The following DMD variants were observed in gnomAD, a reference collection of about 807,000 sequenced individuals.
The protein encoded by DMD is mutant dystrophin.
In DMD, 63 loss-of-function variants were observed where a neutral mutation model predicts 330.1. That is an observed-to-expected ratio of 0.19 (90% CI 0.16 to 0.24). The LOEUF (loss-of-function observed/expected upper bound fraction) is 0.24. Ranked by LOEUF, DMD falls within the 10% of genes least tolerant of loss-of-function variation. The pLI is 1.00. For missense variants in DMD, 3,344 were observed against 2,684.1 expected, an observed-to-expected ratio of 1.25 and a Z score of -5.43; for synonymous variants, 1,223 against 959.8, an observed-to-expected ratio of 1.27 and a Z score of -5.07.
rs1314684621 is a variant in DMD at position 32,781,388 on chromosome X, A to G, written c.649+28105T>C. ...AAAGTGAAACATGAGAAGGACTCAT[A>G]CTGTTGTTTACTCTGTTAATATTGT... On this transcript the variant is annotated intron_variant, in intron 7 of 78. Coordinates refer to ENST00000357033, the MANE Select transcript of DMD (RefSeq NM_004006.3). 2.7e-5 allele frequency among the ~76,000 whole-genome samples: 3 copies of G among 111,962 alleles called. No individual in the cohort carries two copies. The East Asian group carries it at 8.4e-4, about 31-fold the overall frequency.
intron 52 of DMD, among the ~76,000 whole-genome samples, chrX:31,690,018 A>T (rs370367607): frequency 4.5e-5 from 5 of 112,146 alleles, no homozygotes; most frequent in African/African-American, 1.3e-4. Flanking sequence ...TAAAAACCCT[A>T]GAAGAAAACC....
chrX:31,519,546 C>G, intron 55 of DMD, among the ~76,000 whole-genome samples: 1 of 111,487 alleles, frequency 9.0e-6, no homozygotes, highest in Admixed American at 9.6e-5. Context: ...CTAAAAACCT[C>G]AAAATACTCC....
At chrX:32,603,906 C>T (rs754278693) in intron 12 of DMD, among the ~76,000 whole-genome samples, 9 of 111,101 alleles carry the variant, frequency 8.1e-5, no homozygotes, top group African/African-American at 2.6e-4. Context: ...TATTCACAGC[C>T]GAATTCTACC....
At chrX:32,634,953 A>G (rs1273202598) in intron 11 of DMD, among the ~76,000 whole-genome samples, 1 of 111,632 alleles carries the variant, frequency 9.0e-6, no homozygotes, top group African/African-American at 3.3e-5. Context: ...ACTACCTTTG[A>G]AGTTTATTTA....
chrX:31,216,342 G>T (rs1277194970), intron 64 of DMD, among the ~76,000 whole-genome samples: 1 of 112,170 alleles, frequency 8.9e-6, no homozygotes, highest in African/African-American at 3.2e-5. Context: ...TCTTTCCCTA[G>T]TGGGTAACAG....
intron 17 of DMD, among the ~76,000 whole-genome samples, chrX:32,537,551 A>C: frequency 9.0e-6 from 1 of 111,138 alleles, no homozygotes; most frequent in East Asian, 2.9e-4. Flanking sequence ...CAAAGGTCAA[A>C]AAGGGAAAAG....
chrX:31,489,528 C>T (rs938343105), intron 57 of DMD, among the ~76,000 whole-genome samples: 3 of 112,033 alleles, frequency 2.7e-5, no homozygotes, highest in Non-Finnish European at 3.8e-5. Context: ...CTTCATAGCA[C>T]TTACTACCCA....
At chrX:31,654,725 G>A (rs956713170) in intron 54 of DMD, among the ~76,000 whole-genome samples, 5 of 110,745 alleles carry the variant, frequency 4.5e-5, no homozygotes, top group South Asian at 3.9e-4. Context: ...ACATGGACAC[G>A]TAGAGGGGAA....
rs188866258 is a variant in DMD, at chrX:31,226,743, T to C, written c.9287-3622A>G. Among the ~76,000 whole-genome samples, 21 of 111,964 alleles carry C rather than the reference T, an allele frequency of 1.9e-4. No individual in the cohort carries two copies. In the East Asian group the frequency reaches 5.9e-3, roughly 31 times the overall value. On this transcript the variant is annotated intron_variant, in intron 63 of 78. Transcript: ENST00000357033. ...TCCTCCCCTCCAGATTGGTGCAACA[T>C]CCTTCACCAGTACCATCAAATTTTT...
intron 76 of DMD, among the ~76,000 whole-genome samples, chrX:31,138,629 GA>G (rs2035570775): frequency 1.2e-3 from 1 of 864 alleles, no homozygotes; most frequent in African/African-American, 5.7e-3. Context: ...CAGCAGGAGA[GA>G]GAGAGAGAGA....
chrX:32,215,797 G>C (rs1209701138), intron 44 of DMD, among the ~76,000 whole-genome samples: 9 of 111,626 alleles, frequency 8.1e-5, no homozygotes, highest in Non-Finnish European at 1.7e-4. Flanking sequence ...TATTAAAGCA[G>C]ATTGGGAATC....
chrX:33,192,939 C>T (rs2050734876), intron 1 of DMD, among the ~76,000 whole-genome samples: 1 of 111,860 alleles, frequency 8.9e-6, no homozygotes, highest in Non-Finnish European at 1.9e-5. Flanking sequence ...GATGCATTCA[C>T]GTACACACTA....
chrX:32,481,864 C>T (rs1469689905), intron 21 of DMD, among the ~76,000 whole-genome samples: 1 of 111,903 alleles, frequency 8.9e-6, no homozygotes, highest in African/African-American at 3.2e-5. Flanking sequence ...GTGCCCAGCA[C>T]TTTTACGGCA....
chrX:31,573,827 T>TC (rs2075951223), intron 55 of DMD, among the ~76,000 whole-genome samples: 1 of 110,366 alleles, frequency 9.1e-6, no homozygotes, highest in African/African-American at 3.3e-5. Context: ...TAGAACCAAT[T>TC]CCCCCAACAG....
chrX:31,735,161 G>A (rs2086780202), intron 51 of DMD, among the ~76,000 whole-genome samples: 2 of 111,305 alleles, frequency 1.8e-5, no homozygotes, highest in Non-Finnish European at 3.8e-5. Flanking sequence ...CAACAGCTTT[G>A]CCAAAATTTC....
chrX:31,923,483 T>A (rs1029872249), intron 47 of DMD, among the ~76,000 whole-genome samples: 5 of 109,048 alleles, frequency 4.6e-5, no homozygotes, highest in African/African-American at 1.7e-4. Context: ...ATTAACTACA[T>A]AAAGAAAACA....
At chrX:32,807,703 T>A (rs2148736695) in intron 7 of DMD, among the ~76,000 whole-genome samples, 1 of 111,547 alleles carries the variant, frequency 9.0e-6, no homozygotes, top group East Asian at 2.8e-4. Flanking sequence ...CATTTAAATT[T>A]TTTGTGGATA....
intron 1 of DMD, among the ~76,000 whole-genome samples, chrX:33,254,696 T>C: frequency 9.0e-6 from 1 of 110,940 alleles, no homozygotes; most frequent in Middle Eastern, 4.6e-3. Flanking sequence ...TTGGTAAATA[T>C]ATAAAATAAT....
At chrX:31,522,970 G>A (rs375635574) in intron 55 of DMD, among the ~76,000 whole-genome samples, 16 of 111,466 alleles carry the variant, frequency 1.4e-4, no homozygotes, top group East Asian at 1.4e-3. Flanking sequence ...GCCTGTGAGC[G>A]TGAACTTGCA....
Sources: allele counts gnomAD v4.1 joint callset (sites outside exome capture counted in the v4.1 genomes callset), GRCh38; gene constraint gnomAD v4.1.1; transcripts MANE v1.5; gene names NCBI Gene and HGNC (gene_info 2026-07-23, HGNC 2026-07-21).